Variants in ASTN2 observed in about 807,000 individuals in gnomAD.
ASTN2 encodes astrotactin-2.
Under a neutral mutation model 139.8 loss-of-function variants are expected in ASTN2, and 54 were observed. The ratio of observed to expected loss-of-function variants is 0.39; its 90% CI spans 0.31 to 0.48. The LOEUF (loss-of-function observed/expected upper bound fraction) is 0.48, where lower values mean the gene tolerates loss of function less well. ASTN2 is among the 20% of genes least tolerant of loss of function. ASTN2 has a pLI of 0.95. For synonymous variants in ASTN2, 756 were observed against 719.5 expected (o/e 1.05, Z -0.81); for missense variants, 1,565 against 1,725.1 (o/e 0.91, Z 1.64).
chr9:117,012,647 AG>A (rs1837568577), intron 6 of ASTN2, among the ~76,000 whole-genome samples: 1 of 152,210 alleles, frequency 6.6e-6, no homozygotes, highest in Non-Finnish European at 1.5e-5. Context: ...GGACTCAAAG[AG>A]GAACATTGAA....
chr9:116,721,042 C>G (rs890393437), intron 16 of ASTN2, among the ~76,000 whole-genome samples: 8 of 152,208 alleles, frequency 5.3e-5, no homozygotes, highest in Admixed American at 6.5e-5. Flanking sequence ...CACCTGGGAA[C>G]ACAGTAATCG....
At chr9:116,624,901 C>T (rs1856364883) in intron 17 of ASTN2, among the ~76,000 whole-genome samples, 1 of 152,094 alleles carries the variant, frequency 6.6e-6, no homozygotes, top group Admixed American at 6.5e-5. Context: ...CCACTGGCTC[C>T]ATTTTAGGGC....
At chr9:116,623,665 T>C (rs753654748) in intron 17 of ASTN2, among the ~76,000 whole-genome samples, 1 of 152,182 alleles carries the variant, frequency 6.6e-6, no homozygotes, top group Non-Finnish European at 1.5e-5. Context: ...ACCAAGGTGA[T>C]AGAACAACTT....
intron 20 of ASTN2, among the ~76,000 whole-genome samples, chr9:116,454,863 G>A (rs2118937901): frequency 6.6e-6 from 1 of 152,198 alleles, no homozygotes; most frequent in Non-Finnish European, 1.5e-5. Flanking sequence ...CACAGGGTGG[G>A]GATCATCACA....
At chr9:116,687,183 C>G in intron 16 of ASTN2, 1 of 1,053,120 alleles carries the variant, frequency 9.5e-7, no homozygotes, top group Non-Finnish European at 1.2e-6. Context: ...GGAAAGCTCA[C>G]CCCTGCAGGG....
chr9:116,507,253 C>G (rs938124668), intron 19 of ASTN2, among the ~76,000 whole-genome samples: 7 of 152,116 alleles, frequency 4.6e-5, no homozygotes, highest in African/African-American at 1.4e-4. Context: ...AGTTTGTCTC[C>G]CTGAAATGCA....
chr9:116,622,436 C>T (rs1856207854), intron 17 of ASTN2, among the ~76,000 whole-genome samples: 1 of 152,190 alleles, frequency 6.6e-6, no homozygotes, highest in Non-Finnish European at 1.5e-5. Context: ...ATGAAAAACA[C>T]TAAATGGCAC....
At chr9:117,372,654 G>A (rs1487570318) in intron 1 of ASTN2, among the ~76,000 whole-genome samples, 3 of 151,998 alleles carry the variant, frequency 2.0e-5, no homozygotes, top group Admixed American at 1.3e-4. Context: ...AAAATGCCTG[G>A]CACATAGCAG....
intron 17 of ASTN2, among the ~76,000 whole-genome samples, chr9:116,647,466 A>G (rs1463699846): frequency 6.6e-6 from 1 of 152,160 alleles, no homozygotes; most frequent in Admixed American, 6.5e-5. Context: ...TTAGCCTCAG[A>G]AAGACCTCAC....
At chr9:116,697,621 T>TAGTC in intron 16 of ASTN2, 1 of 1,245,310 alleles carries the variant, frequency 8.0e-7, no homozygotes, top group South Asian at 1.3e-5. Flanking sequence ...TTTATTTATA[T>TAGTC]AGTCAGAGGA....
At chr9:116,836,736 C>T (rs911282358) in intron 11 of ASTN2, among the ~76,000 whole-genome samples, 4 of 152,086 alleles carry the variant, frequency 2.6e-5, no homozygotes, top group African/African-American at 9.7e-5. Context: ...CCAAAGGCTT[C>T]AGCTGGTCTG....
At chr9:116,988,987 A>G (rs932189567) in intron 7 of ASTN2, among the ~76,000 whole-genome samples, 2 of 152,144 alleles carry the variant, frequency 1.3e-5, no homozygotes, top group African/African-American at 4.8e-5. Flanking sequence ...ATATGCTTAA[A>G]CCATTCAGAA....
intron 14 of ASTN2, among the ~76,000 whole-genome samples, chr9:116,731,392 T>C (rs1828780188): frequency 6.6e-6 from 1 of 152,000 alleles, no homozygotes. Flanking sequence ...AAAATTATCA[T>C]ACCCTATTTT....
chr9:116,734,239 C>T (rs1185545436), intron 13 of ASTN2, among the ~76,000 whole-genome samples: 1 of 152,182 alleles, frequency 6.6e-6, no homozygotes, highest in Non-Finnish European at 1.5e-5. Context: ...GTGCCTCTAA[C>T]CCTTTCCTGC....
At chr9:117,187,701 G>A (rs1241559329) in intron 3 of ASTN2, among the ~76,000 whole-genome samples, 2 of 152,132 alleles carry the variant, frequency 1.3e-5, no homozygotes, top group Non-Finnish European at 2.9e-5. Context: ...TCAGCAAGAA[G>A]GCCCTCACCA....
chr9:116,755,862 G>A (rs1167950866), intron 13 of ASTN2, among the ~76,000 whole-genome samples: 4 of 152,234 alleles, frequency 2.6e-5, no homozygotes, highest in Admixed American at 6.5e-5. Context: ...AACATGGAAG[G>A]AGAGACTGGA....
intron 13 of ASTN2, among the ~76,000 whole-genome samples, chr9:116,758,699 C>T (rs760116515): frequency 7.9e-5 from 12 of 152,120 alleles, no homozygotes; most frequent in Non-Finnish European, 1.0e-4. Flanking sequence ...GCTGTGGCCT[C>T]GGAGCTTTCT....
chr9:116,531,286 A>C (rs938907083), intron 19 of ASTN2, among the ~76,000 whole-genome samples: 1 of 152,184 alleles, frequency 6.6e-6, no homozygotes, highest in Non-Finnish European at 1.5e-5. Flanking sequence ...TGGCCATGGT[A>C]CTCAAATATG....
At chr9:117,128,024 G>A (rs1829739344) in intron 4 of ASTN2, among the ~76,000 whole-genome samples, 1 of 152,070 alleles carries the variant, frequency 6.6e-6, no homozygotes, top group Admixed American at 6.5e-5. Flanking sequence ...TAGGGAATAA[G>A]AAACACGGAT....
Sources: allele counts gnomAD v4.1 joint callset (sites outside exome capture counted in the v4.1 genomes callset), GRCh38; gene constraint gnomAD v4.1.1; transcripts MANE v1.5; gene names NCBI Gene and HGNC (gene_info 2026-07-23, HGNC 2026-07-21).